The following CCSER1 variants were observed in gnomAD, a reference collection of about 807,000 sequenced individuals.
CCSER1 encodes the protein coiled-coil serine rich protein 1, also known as serine-rich coiled-coil domain-containing protein 1.
CCSER1 carries 41 observed loss-of-function variants against 82.0 expected under a neutral mutation model. That is an observed-to-expected ratio of 0.50 (90% confidence interval 0.39 to 0.65). The LOEUF (loss-of-function observed/expected upper bound fraction) is 0.65, where lower values mean the gene tolerates loss of function less well. CCSER1 is among the 30% of genes least tolerant of loss of function. The pLI is 0.00. For missense variants in CCSER1, 1,119 were observed against 1,064.2 expected, an observed-to-expected ratio of 1.05 and a Z score of -0.72; for synonymous variants, 414 against 383.9, an observed-to-expected ratio of 1.08 and a Z score of -0.92.
chr4:90,965,441 C>A (rs1355454180), intron 9 of CCSER1, among the ~76,000 whole-genome samples: 1 of 152,082 alleles, frequency 6.6e-6, no homozygotes, highest in Non-Finnish European at 1.5e-5. Flanking sequence ...GAAGGAAAAG[C>A]TAAGGCTGAC....
At chr4:90,167,046 A>G (rs574805080) in intron 1 of CCSER1, among the ~76,000 whole-genome samples, 1 of 152,156 alleles carries the variant, frequency 6.6e-6, no homozygotes, top group South Asian at 2.1e-4. Context: ...ATTGTTTATT[A>G]TAATTGATTG....
intron 1 of CCSER1, among the ~76,000 whole-genome samples, chr4:90,304,894 T>C (rs755179136): frequency 2.0e-4 from 31 of 152,058 alleles, no homozygotes; most frequent in Non-Finnish European, 3.8e-4. Context: ...GACTGACTCT[T>C]TCATTTACTG....
At chr4:91,460,790 G>T (rs1756459878) in intron 10 of CCSER1, among the ~76,000 whole-genome samples, 1 of 152,144 alleles carries the variant, frequency 6.6e-6, no homozygotes, top group South Asian at 2.1e-4. Flanking sequence ...GAGGATGAAA[G>T]AAAATACATT....
At position 91,604,928 on chromosome 4, in the gene CCSER1, AATTG is replaced by A. The variant is rs1764911493; in HGVS notation, c.*5875_*5878del. 6.6e-6 allele frequency: 1 copy of A among 151,954 alleles called. No homozygotes were observed. Among genetic ancestry groups the A allele is most frequent in the Admixed American group, 6.6e-5 (1 of 15,244 alleles). 9.4% of individuals were successfully genotyped at this position (151,954 alleles called of 1,614,324 possible). ...TCTCTTCCAAAAAAGAATGCAAGAG[AATTG>A]ATTATCTTAGTTAGACCCCATTTTT... On this transcript the variant is annotated 3_prime_UTR_variant, in exon 11 of 11. Transcript: ENST00000509176.
chr4:91,180,854 A>T (rs1418597068), intron 10 of CCSER1, among the ~76,000 whole-genome samples: 1 of 152,250 alleles, frequency 6.6e-6, no homozygotes, highest in Non-Finnish European at 1.5e-5. Flanking sequence ...CAAACCAGTC[A>T]TTAGCATTGT....
At chr4:90,813,056 A>G (rs2149752386) in intron 7 of CCSER1, among the ~76,000 whole-genome samples, 1 of 152,264 alleles carries the variant, frequency 6.6e-6, no homozygotes, top group East Asian at 1.9e-4. Flanking sequence ...CAGTCCCCCA[A>G]AGTCTAACTC....
intron 4 of CCSER1, among the ~76,000 whole-genome samples, chr4:90,438,985 C>T (rs1759464290): frequency 6.6e-6 from 1 of 152,192 alleles, no homozygotes; most frequent in African/African-American, 2.4e-5. Flanking sequence ...TGCTATTATG[C>T]TATTATTCAT....
At chr4:90,447,545 A>G (rs1465879172) in intron 4 of CCSER1, among the ~76,000 whole-genome samples, 1 of 152,210 alleles carries the variant, frequency 6.6e-6, no homozygotes, top group Non-Finnish European at 1.5e-5. Context: ...TTTTGAATAA[A>G]TTGTGTTGTT....
chr4:91,598,630 T>G lies in CCSER1; in HGVS notation c.2276T>G (p.Ile759Arg), dbSNP rs1040037217. Reference sequence around the variant, plus strand: ...CTCAGCACAAGGGACAGAAAAGCAATACATACTCCCACCGAGGACCGTTTT... The same window carrying G: ...CTCAGCACAAGGGACAGAAAAGCAAGACATACTCCCACCGAGGACCGTTTT... Reference protein sequence around the residue: ...QNLSTRDRKAIHTPTEDRFRY... With the variant: ...QNLSTRDRKARHTPTEDRFRY... Residue 759 changes from isoleucine (I) to arginine (R), a missense_variant, in exon 11 of 11, where the codon ATA (isoleucine) becomes AGA (arginine). Transcript: ENST00000509176. 3 of 1,551,132 alleles carry G rather than the reference T, an allele frequency of 1.9e-6. No individual in the cohort carries two copies. The African/African-American group carries it at 4.1e-5, about 21-fold the overall frequency.
At chr4:91,498,307 A>T (rs1759034366) in intron 10 of CCSER1, among the ~76,000 whole-genome samples, 1 of 151,976 alleles carries the variant, frequency 6.6e-6, no homozygotes, top group South Asian at 2.1e-4. Context: ...AAAAGGAAGA[A>T]TTAGTTACAC....
chr4:91,520,072 A>T (rs1760371784), intron 10 of CCSER1, among the ~76,000 whole-genome samples: 1 of 152,018 alleles, frequency 6.6e-6, no homozygotes, highest in Non-Finnish European at 1.5e-5. Context: ...TACGTGTTTT[A>T]TGTCTTTTCT....
Position 90,932,992 on chromosome 4 carries a change from GAAAGAA to G in CCSER1, c.2172+9547_2172+9552del, listed in dbSNP as rs1730271104. ...AAAGAAAGAAAGAAAGAGAAAGAAA[GAAAGAA>G]AGAAAGAAAGAAAGAAAGAAAGAAA... On this transcript the variant is annotated intron_variant, in intron 9 of 10. Transcript: ENST00000509176. 6.8e-5 allele frequency among the ~76,000 whole-genome samples: 3 copies of G among 44,300 alleles called. 1 individual carries two copies. Among genetic ancestry groups the G allele is most frequent in the Non-Finnish European group, 1.2e-4 (3 of 24,564 alleles). The allele number at this position is 44,300 out of a possible 152,430, so 29.1% of individuals were successfully genotyped here. A position where few individuals can be genotyped will look rare whatever the true frequency, so the allele number is the denominator to read the frequency against.
At chr4:90,290,187 C>T (rs1443323874) in intron 1 of CCSER1, among the ~76,000 whole-genome samples, 1 of 151,724 alleles carries the variant, frequency 6.6e-6, no homozygotes, top group African/African-American at 2.4e-5. Context: ...TAACTGTAGT[C>T]TGGAATGTTA....
At chr4:91,063,791 T>G (rs990759657) in intron 9 of CCSER1, among the ~76,000 whole-genome samples, 1 of 152,120 alleles carries the variant, frequency 6.6e-6, no homozygotes, top group African/African-American at 2.4e-5. Context: ...TTCGCACAAT[T>G]GAATTTACTT....
intron 1 of CCSER1, among the ~76,000 whole-genome samples, chr4:90,159,941 A>G (rs1729117835): frequency 6.6e-6 from 1 of 152,242 alleles, no homozygotes; most frequent in East Asian, 1.9e-4. Flanking sequence ...ATGTTATCAA[A>G]TACTTACAAC....
chr4:91,170,811 A>G (rs1004493240), intron 10 of CCSER1, among the ~76,000 whole-genome samples: 2 of 152,164 alleles, frequency 1.3e-5, no homozygotes, highest in African/African-American at 2.4e-5. Flanking sequence ...GGAACCCACC[A>G]TATTATTATC....
chr4:90,793,804 G>A (rs949932189), intron 7 of CCSER1, among the ~76,000 whole-genome samples: 8 of 152,066 alleles, frequency 5.3e-5, no homozygotes, highest in Admixed American at 2.0e-4. Flanking sequence ...TAAGCATTTC[G>A]TGTCCTCTGC....
intron 8 of CCSER1, among the ~76,000 whole-genome samples, chr4:90,911,721 CT>C (rs1726396403): frequency 6.6e-6 from 1 of 152,150 alleles, no homozygotes; most frequent in Non-Finnish European, 1.5e-5. Context: ...TGGGAATTCC[CT>C]TTCCTACCCA....
At position 90,250,125 on chromosome 4, in the gene CCSER1, A is replaced by G. The variant is rs1578750644; in HGVS notation, c.-41-58119A>G. Among the ~76,000 whole-genome samples the G allele has an allele frequency of 3.9e-5, 6 of 152,218 alleles. 1 individual carries two copies. In the South Asian group the frequency reaches 1.2e-3, roughly 32 times the overall value. ...TGAGTTGAGAGGTCCTTAAAATATT[A>G]TAGATAATTTGTTATTAGATCTATG... is the stretch of plus-strand genomic sequence containing the variant. On this transcript the variant is annotated intron_variant, in intron 1 of 10. Coordinates refer to ENST00000509176, the MANE Select transcript of CCSER1 (RefSeq NM_001145065.2).
Sources: gnomAD v4.1 joint callset for allele counts (sites outside exome capture counted in the v4.1 genomes callset) on GRCh38, gnomAD v4.1.1 for gene constraint, MANE v1.5 for transcripts, NCBI Gene and HGNC (gene_info 2026-07-23, HGNC 2026-07-21) for gene names.